Variants in RAB23 observed in about 807,000 individuals in gnomAD.
RAB23 encodes the protein ras-related protein Rab-23.
A neutral mutation model predicts 30.0 loss-of-function variants in RAB23; 15 were observed. That is an observed-to-expected ratio of 0.50 (90% CI 0.33 to 0.77). The LOEUF (loss-of-function observed/expected upper bound fraction) is 0.77, where lower values mean the gene tolerates loss of function less well. Ranked by LOEUF, RAB23 falls within the 30% of genes least tolerant of loss-of-function variation. RAB23 has a pLI of 0.02. For synonymous variants in RAB23, 93 were observed against 94.0 expected (o/e 0.99, Z 0.06); for missense variants, 243 against 275.4 (o/e 0.88, Z 0.83).
intron 1 of RAB23, among the ~76,000 whole-genome samples, chr6:57,212,774 C>A (rs1280492393): frequency 6.6e-6 from 1 of 151,662 alleles, no homozygotes; most frequent in Non-Finnish European, 1.5e-5. Context: ...GTAGTCCCAG[C>A]TACTCGGGAA....
intron 3 of RAB23, among the ~76,000 whole-genome samples, chr6:57,204,303 A>G (rs1197411484): frequency 6.6e-6 from 1 of 152,318 alleles, no homozygotes; most frequent in East Asian, 1.9e-4. Flanking sequence ...ATACTGGTAT[A>G]CTGCTATTCA....
intron 4 of RAB23, 68 bp downstream of exon 4, chr6:57,196,382 T>G (rs1562651281): frequency 6.3e-7 from 1 of 1,577,634 alleles, no homozygotes; most frequent in Non-Finnish European, 8.7e-7. Flanking sequence ...TGTAAAACTA[T>G]GCAAAAATTA....
intron 4 of RAB23, 104 bp from the exon 5 acceptor site, chr6:57,194,956 G>C: frequency 1.2e-6 from 1 of 832,322 alleles, no homozygotes; most frequent in East Asian, 2.6e-5. Flanking sequence ...TGGCAGGGAA[G>C]GGAGGGAAGG....
intron 3 of RAB23, among the ~76,000 whole-genome samples, chr6:57,203,268 A>ATT (rs1765337088): frequency 6.6e-6 from 1 of 152,150 alleles, no homozygotes; most frequent in African/African-American, 2.4e-5. Context: ...AGCCTCCCAA[A>ATT]GTGCTGGGAT....
intron 1 of RAB23, among the ~76,000 whole-genome samples, chr6:57,217,488 T>C (rs569517781): frequency 3.0e-4 from 45 of 152,102 alleles, no homozygotes; most frequent in Non-Finnish European, 5.7e-4. Context: ...TTTGTATTTT[T>C]AGTAGAGACA....
chr6:57,194,905 GT>G, intron 4 of RAB23, 53 bp from the exon 5 acceptor site: 3 of 1,340,386 alleles, frequency 2.2e-6, no homozygotes, highest in Non-Finnish European at 3.2e-6. Context: ...CTGATAGCTT[GT>G]TTTTTAAATC....
At chr6:57,199,735 T>C (rs975943734) in intron 3 of RAB23, among the ~76,000 whole-genome samples, 1 of 152,182 alleles carries the variant, frequency 6.6e-6, no homozygotes, top group African/African-American at 2.4e-5. Context: ...TACCAAGCCT[T>C]TATATCAAAT....
At position 57,217,941 on chromosome 6, in the gene RAB23, G is replaced by C. The variant is rs189642768; in HGVS notation, c.-66+3785C>G. ...GACTCTGCAGACTCAAAAGGATAAC[G>C]TAACAACCCTACACACATAAATGTG... On this transcript the variant is annotated intron_variant, in intron 1 of 6. Transcript: ENST00000468148. 2.6e-5 allele frequency among the ~76,000 whole-genome samples: 4 copies of C among 151,968 alleles called. No individual in the cohort carries two copies. The East Asian group carries it at 5.8e-4, about 22-fold the overall frequency.
rs1766080337 is a variant in RAB23, at chr6:57,221,982, G to A, written c.-322C>T. ...CCCCCAGCCCCTGGAGAGGGCGAGTGAGTGCAGCGCCGCTGCACCGCAGCG... is the reference window on the plus strand; with the variant it reads ...CCCCCAGCCCCTGGAGAGGGCGAGTAAGTGCAGCGCCGCTGCACCGCAGCG... On this transcript the variant is annotated 5_prime_UTR_variant, in exon 1 of 7. Coordinates refer to ENST00000468148, the MANE Select transcript of RAB23 (RefSeq NM_016277.5). The A allele has an allele frequency of 6.6e-6, 1 of 152,308 alleles. No homozygotes were observed. Among genetic ancestry groups the A allele is most frequent in the African/African-American group, 2.4e-5 (1 of 41,438 alleles). 9.4% of individuals were successfully genotyped at this position (152,308 alleles called of 1,614,324 possible).
chr6:57,213,683 T>C (rs1765736485), intron 1 of RAB23, among the ~76,000 whole-genome samples: 1 of 151,808 alleles, frequency 6.6e-6, no homozygotes, highest in East Asian at 1.9e-4. Flanking sequence ...ACATTAGACA[T>C]TGAAAAGTGC....
In RAB23 at chr6:57,212,790, G is replaced by C. The variant is rs186074902; in HGVS notation, c.-65-2345C>G. ...TAGTCCCAGCTACTCGGGAAGCTAA[G>C]GCAGGATTGTTTGAGCCCAGGAGTT... On this transcript the variant is annotated intron_variant, in intron 1 of 6. Transcript: ENST00000468148. Among the ~76,000 whole-genome samples the C allele has an allele frequency of 1.5e-3, 235 of 152,128 alleles. 1 individual carries two copies. Among genetic ancestry groups the C allele is most frequent in the Admixed American group, 4.7e-3 (72 of 15,278 alleles).
At chr6:57,213,715 G>A (rs956850506) in intron 1 of RAB23, among the ~76,000 whole-genome samples, 1 of 151,152 alleles carries the variant, frequency 6.6e-6, no homozygotes, top group African/African-American at 2.4e-5. Flanking sequence ...AGGACACAAA[G>A]CACAACATGG....
At chr6:57,195,800 C>G (rs931862202) in intron 4 of RAB23, among the ~76,000 whole-genome samples, 3 of 152,160 alleles carry the variant, frequency 2.0e-5, no homozygotes, top group Admixed American at 6.5e-5. Flanking sequence ...CCAGCTAAGC[C>G]ATTCTCAAAC....
At chr6:57,202,998 C>CTTTT (rs1765321013) in intron 3 of RAB23, among the ~76,000 whole-genome samples, 24 of 119,044 alleles carry the variant, frequency 2.0e-4, no homozygotes, top group Non-Finnish European at 2.9e-4. Context: ...CTAAGATAGG[C>CTTTT]TGTTTTTTTT....
chr6:57,214,260 G>A (rs1434833579), intron 1 of RAB23, among the ~76,000 whole-genome samples: 2 of 152,116 alleles, frequency 1.3e-5, no homozygotes, highest in African/African-American at 4.8e-5. Context: ...TGGTATCAGT[G>A]GCCCCCAGTA....
intron 3 of RAB23, among the ~76,000 whole-genome samples, chr6:57,198,348 A>G (rs900561180): frequency 5.3e-5 from 8 of 152,304 alleles, no homozygotes; most frequent in East Asian, 1.9e-4. Context: ...CCCCGTCTCT[A>G]CTAAAAATAC....
intron 3 of RAB23, among the ~76,000 whole-genome samples, chr6:57,197,363 A>G (rs1765064428): frequency 6.6e-6 from 1 of 152,214 alleles, no homozygotes; most frequent in Non-Finnish European, 1.5e-5. Context: ...AGACTAAAAT[A>G]AGCAGAAACC....
rs1170559704 is a variant in RAB23, at chr6:57,203,000, G to GTTTTTTTT, written c.241+4620_241+4627dup. 3.1e-4 allele frequency among the ~76,000 whole-genome samples: 26 copies of GTTTTTTTT among 82,596 alleles called. 1 individual carries two copies. The highest frequency in any genetic ancestry group is 4.8e-4 in the Non-Finnish European group (21 of 43,794). 54.2% of individuals were successfully genotyped at this position (82,596 alleles called of 152,430 possible). On this transcript the variant is annotated intron_variant, in intron 3 of 6. Coordinates refer to ENST00000468148, the MANE Select transcript of RAB23 (RefSeq NM_016277.5). ...AAAAGTTAAATTACTAAGATAGGCT[G>GTTTTTTTT]TTTTTTTTTTTTTTTTTTTTTTTTG...
chr6:57,209,903 T>C (rs1013495884), intron 2 of RAB23, among the ~76,000 whole-genome samples: 1 of 151,532 alleles, frequency 6.6e-6, no homozygotes, highest in South Asian at 2.1e-4. Flanking sequence ...CCAAAGAAAA[T>C]AGCAGTTGGA....
Sources: gnomAD v4.1 joint callset for allele counts (sites outside exome capture counted in the v4.1 genomes callset) on GRCh38, gnomAD v4.1.1 for gene constraint, MANE v1.5 for transcripts, NCBI Gene and HGNC (gene_info 2026-07-23, HGNC 2026-07-21) for gene names.